NUDT3: variants seen among roughly 807,000 people sequenced by gnomAD.
The protein encoded by NUDT3 is diphosphoinositol polyphosphate phosphohydrolase 1.
NUDT3 carries 9 observed loss-of-function variants against 23.6 expected under a neutral mutation model. The observed-to-expected ratio is 0.38, with a 90% CI of 0.23 to 0.66. NUDT3 has a LOEUF of 0.66. Among genes scored for constraint, NUDT3 ranks in the 30% least tolerant of loss-of-function variants. The pLI is 0.52. For missense variants in NUDT3, 172 were observed against 218.5 expected (o/e 0.79, Z 1.34); for synonymous variants, 86 against 82.6 (o/e 1.04, Z -0.22).
chr6:34,379,618 C>T lies in NUDT3; in HGVS notation c.99+12646G>A, dbSNP rs145870400. On this transcript the variant is annotated intron_variant, in intron 1 of 4. Coordinates refer to ENST00000607016, the MANE Select transcript of NUDT3 (RefSeq NM_006703.4). ...TACAGACAGGGTCTTGCTATGTTAC[C>T]CAGGCTGGTCTCGAATTCCTGGCCT... Among the ~76,000 whole-genome samples the T allele has an allele frequency of 2.4e-3, 360 of 152,140 alleles. 1 individual carries two copies. The highest frequency in any genetic ancestry group is 8.0e-3 in the African/African-American group (334 of 41,526).
intron 1 of NUDT3, among the ~76,000 whole-genome samples, chr6:34,372,834 T>C (rs11962035): frequency 1.1e-4 from 17 of 151,784 alleles, no homozygotes; most frequent in African/African-American, 1.7e-4. Flanking sequence ...CTTTGTGAGA[T>C]TGGAGAAAAA....
intron 1 of NUDT3, among the ~76,000 whole-genome samples, chr6:34,343,334 G>A (rs1343412995): frequency 6.7e-6 from 1 of 149,918 alleles, no homozygotes; most frequent in Admixed American, 6.7e-5. Context: ...AGGACTGCCT[G>A]AGCCCAGGAG....
chr6:34,297,745 ATATATATATATATAATTT>A (rs1763530722), intron 2 of NUDT3, among the ~76,000 whole-genome samples: 2 of 104,522 alleles, frequency 1.9e-5, no homozygotes, highest in Admixed American at 1.1e-4. Flanking sequence ...ATATATATAT[ATATATATATATATAATTT>A]TTTTTTTTTT....
chr6:34,365,016 G>A (rs778206959), intron 1 of NUDT3, among the ~76,000 whole-genome samples: 7 of 151,816 alleles, frequency 4.6e-5, no homozygotes, highest in Non-Finnish European at 5.9e-5. Context: ...GCGAGACTTC[G>A]TCTCAAAAAT....
chr6:34,293,066 T>TG, intron 4 of NUDT3, among the ~76,000 whole-genome samples: 1 of 152,166 alleles, frequency 6.6e-6, no homozygotes, highest in Non-Finnish European at 1.5e-5. Context: ...TTGTTCTGTT[T>TG]TTTTGTTTGT....
chr6:34,339,189 T>C (rs1764253748), intron 2 of NUDT3, among the ~76,000 whole-genome samples: 1 of 152,214 alleles, frequency 6.6e-6, no homozygotes, highest in Admixed American at 6.5e-5. Context: ...ACGCCCTCCT[T>C]GTGACTAAAG....
chr6:34,321,846 G>T (rs888627292), intron 2 of NUDT3, among the ~76,000 whole-genome samples: 1 of 152,146 alleles, frequency 6.6e-6, no homozygotes, highest in East Asian at 1.9e-4. Context: ...TGTTCAAAAC[G>T]GTGAACATGA....
chr6:34,341,678 C>T (rs1242510981), intron 2 of NUDT3, among the ~76,000 whole-genome samples, 184 bp downstream of exon 2: 1 of 152,178 alleles, frequency 6.6e-6, no homozygotes, highest in Non-Finnish European at 1.5e-5. Flanking sequence ...CACAGAGTGC[C>T]GGTTAACATT....
chr6:34,310,159 G>C (rs1439264618), intron 2 of NUDT3, among the ~76,000 whole-genome samples: 1 of 152,176 alleles, frequency 6.6e-6, no homozygotes, highest in East Asian at 1.9e-4. Flanking sequence ...CTTGGGCCCA[G>C]GAGTTTGAGG....
chr6:34,329,350 A>G (rs1488609669), intron 2 of NUDT3, among the ~76,000 whole-genome samples: 1 of 152,184 alleles, frequency 6.6e-6, no homozygotes, highest in Non-Finnish European at 1.5e-5. Flanking sequence ...GCGCGATCTC[A>G]GCTCACTGCA....
In NUDT3 at chr6:34,288,648, T is replaced by A; in HGVS notation, c.*105A>T. 1 of 1,443,860 alleles carries A rather than the reference T, an allele frequency of 6.9e-7. No homozygotes were observed. Among genetic ancestry groups the A allele is most frequent in the Non-Finnish European group, 9.3e-7 (1 of 1,078,538 alleles). The allele number at this position is 1,443,860 out of a possible 1,614,324, so 89.4% of individuals were successfully genotyped here. On this transcript the variant is annotated 3_prime_UTR_variant, in exon 5 of 5. Coordinates refer to ENST00000607016, the MANE Select transcript of NUDT3 (RefSeq NM_006703.4). ...TTTCTTTGCTGCCCACCATGCCTTA[T>A]TTGAAAGAGGAGGCCTGTGAGAAGT...
chr6:34,302,048 T>A lies in NUDT3; in HGVS notation c.211-6363A>T, dbSNP rs190952464. ...TTTGTATCTTTATTTATTTATTTAT[T>A]TATTTTGAGACCAGTCTCTGTAGCC... On this transcript the variant is annotated intron_variant, in intron 2 of 4. Transcript: ENST00000607016. Among the ~76,000 whole-genome samples the A allele has an allele frequency of 1.8e-3, 271 of 152,274 alleles. 2 individuals are homozygous for A. Among genetic ancestry groups the A allele is most frequent in the Middle Eastern group, 0.014 (4 of 294 alleles).
chr6:34,304,579 T>C (rs939021676), intron 2 of NUDT3, among the ~76,000 whole-genome samples: 1 of 152,156 alleles, frequency 6.6e-6, no homozygotes, highest in Non-Finnish European at 1.5e-5. Flanking sequence ...CTTGGTATTT[T>C]TTGGCAGGAA....
intron 2 of NUDT3, among the ~76,000 whole-genome samples, chr6:34,301,277 T>C (rs1474445686): frequency 1.3e-5 from 2 of 152,134 alleles, no homozygotes; most frequent in East Asian, 1.9e-4. Context: ...TTGGTCTCTT[T>C]TGGTAGATCA....
chr6:34,327,030 A>G (rs1237953635), intron 2 of NUDT3, among the ~76,000 whole-genome samples: 4 of 151,556 alleles, frequency 2.6e-5, no homozygotes, highest in African/African-American at 9.7e-5. Flanking sequence ...CAAGACGCGG[A>G]GACCGGTAGT....
At chr6:34,336,603 C>T (rs1443306030) in intron 2 of NUDT3, among the ~76,000 whole-genome samples, 1 of 152,032 alleles carries the variant, frequency 6.6e-6, no homozygotes, top group East Asian at 1.9e-4. Context: ...GCTTTTGTTA[C>T]CTGTGCTTTT....
chr6:34,359,399 A>T (rs924872881), intron 1 of NUDT3, among the ~76,000 whole-genome samples: 1 of 151,880 alleles, frequency 6.6e-6, no homozygotes, highest in Admixed American at 6.6e-5. Flanking sequence ...AAACAAAAAA[A>T]CTCATACCTA....
chr6:34,294,940 A>G (rs539331251), intron 3 of NUDT3, among the ~76,000 whole-genome samples: 1 of 151,810 alleles, frequency 6.6e-6, no homozygotes, highest in African/African-American at 2.4e-5. Flanking sequence ...GCTCATCTTG[A>G]TTTCTCCTGA....
intron 2 of NUDT3, among the ~76,000 whole-genome samples, chr6:34,315,597 T>A (rs1338095566): frequency 2.0e-5 from 3 of 152,204 alleles, no homozygotes; most frequent in Non-Finnish European, 4.4e-5. Flanking sequence ...AGTTTACTCA[T>A]TTAGATCATG....
Sources: gnomAD v4.1 joint callset for allele counts (sites outside exome capture counted in the v4.1 genomes callset) on GRCh38, gnomAD v4.1.1 for gene constraint, MANE v1.5 for transcripts, NCBI Gene and HGNC (gene_info 2026-07-23, HGNC 2026-07-21) for gene names.